Variants in MAF observed in about 807,000 individuals in gnomAD.
MAF encodes the protein transcription factor Maf.
MAF carries 10 observed loss-of-function variants against 22.0 expected under a neutral mutation model. The observed-to-expected ratio is 0.45, with a 90% confidence interval of 0.28 to 0.77. The LOEUF is 0.77. Ranked by LOEUF, MAF falls within the 30% of genes least tolerant of loss-of-function variation. The pLI, the probability that MAF is intolerant of heterozygous loss-of-function variation, is 0.12. For synonymous variants in MAF, 337 were observed against 255.8 expected (o/e 1.32, Z -3.03); for missense variants, 544 against 548.4 (o/e 0.99, Z 0.08).
At chr16:79,297,627 A>G in the MAF span, among the ~76,000 whole-genome samples, 1 of 152,226 alleles carries the variant, frequency 6.6e-6, no homozygotes, top group African/African-American at 2.4e-5. Context: ...GATGATACAG[A>G]AAAGTACTTA....
chr16:79,421,635 G>A, the MAF span, among the ~76,000 whole-genome samples: 1 of 114,956 alleles, frequency 8.7e-6, no homozygotes, highest in Non-Finnish European at 1.7e-5. Context: ...ATGAAGAAAA[G>A]TGATTTTTTT....
intron 1 of MAF, among the ~76,000 whole-genome samples, chr16:79,588,016 T>C (rs1282910570): frequency 1.3e-5 from 2 of 152,164 alleles, no homozygotes. Flanking sequence ...AAGAGAGATT[T>C]TCGAGCTGGG....
chr16:79,358,437 C>T, the MAF span, among the ~76,000 whole-genome samples: 694 of 152,190 alleles, frequency 4.6e-3, 7 homozygotes, highest in African/African-American at 0.016. Flanking sequence ...ATTTTGATGA[C>T]GTTCATTTGG....
At chr16:79,547,947 G>A in the MAF span, among the ~76,000 whole-genome samples, 10 of 51,546 alleles carry the variant, frequency 1.9e-4, no homozygotes, top group African/African-American at 3.8e-4. Context: ...AGAGAGAATA[G>A]CATCGATGGT....
intron 1 of MAF, chr16:79,596,006 GGTGT>G: frequency 1.9e-6 from 2 of 1,060,166 alleles, no homozygotes. Context: ...AGAAAATCTC[GGTGT>G]GTAAGAGAAG....
the MAF span, among the ~76,000 whole-genome samples, chr16:79,392,386 G>A: frequency 6.7e-6 from 1 of 150,116 alleles, no homozygotes; most frequent in Non-Finnish European, 1.5e-5. Flanking sequence ...GGAAAGGAAA[G>A]GGAAGGAGGA....
the MAF span, among the ~76,000 whole-genome samples, chr16:79,505,984 G>C: frequency 1.7e-4 from 26 of 152,120 alleles, no homozygotes; most frequent in South Asian, 8.3e-4. Context: ...AGGAGCAAAA[G>C]AAGGGAAGGG....
At chr16:79,233,286 G>C in the MAF span, among the ~76,000 whole-genome samples, 1 of 152,018 alleles carries the variant, frequency 6.6e-6, no homozygotes, top group Non-Finnish European at 1.5e-5. Flanking sequence ...TACAGGTTGT[G>C]TTCAACAACT....
the MAF span, among the ~76,000 whole-genome samples, chr16:79,464,979 GC>G: frequency 6.6e-6 from 1 of 152,192 alleles, no homozygotes; most frequent in Admixed American, 6.5e-5. Context: ...GAGAAATGTG[GC>G]TGAGTATATA....
chr16:79,262,637 C>A, the MAF span, among the ~76,000 whole-genome samples: 1 of 152,084 alleles, frequency 6.6e-6, no homozygotes, highest in Admixed American at 6.6e-5. Flanking sequence ...CCCAGAGGGA[C>A]GAGCTGGGCT....
chr16:79,268,287 C>T, the MAF span, among the ~76,000 whole-genome samples: 1 of 152,024 alleles, frequency 6.6e-6, no homozygotes, highest in South Asian at 2.1e-4. Flanking sequence ...GTCGTCTCAG[C>T]CTGAGGGTTA....
the MAF span, among the ~76,000 whole-genome samples, chr16:79,550,709 T>G: frequency 1.3e-5 from 2 of 152,178 alleles, no homozygotes; most frequent in African/African-American, 4.8e-5. Flanking sequence ...AGAATTTGCC[T>G]AGTTTGGGTA....
chr16:79,286,561 C>T, the MAF span, among the ~76,000 whole-genome samples: 1 of 152,174 alleles, frequency 6.6e-6, no homozygotes, highest in African/African-American at 2.4e-5. Flanking sequence ...TATGTGCATG[C>T]ACACTTGAAC....
the MAF span, among the ~76,000 whole-genome samples, chr16:79,469,394 C>T: frequency 6.6e-6 from 1 of 152,134 alleles, no homozygotes; most frequent in African/African-American, 2.4e-5. Flanking sequence ...TGTTTGATGA[C>T]CAACTCTCCC....
chr16:79,586,566 T>A (rs755421454), intron 1 of MAF, among the ~76,000 whole-genome samples: 4 of 152,250 alleles, frequency 2.6e-5, no homozygotes, highest in Non-Finnish European at 5.9e-5. Flanking sequence ...AACGGTGATA[T>A]GAAAATGAGG....
chr16:79,229,547 G>A, the MAF span: 1 of 152,080 alleles, frequency 6.6e-6, no homozygotes, highest in African/African-American at 2.4e-5. Flanking sequence ...CCCGAAGATG[G>A]GCTGTGAGCG....
the MAF span, among the ~76,000 whole-genome samples, chr16:79,472,369 C>A: frequency 2.0e-4 from 30 of 152,184 alleles, no homozygotes; most frequent in African/African-American, 5.8e-4. Flanking sequence ...AGAAATATCC[C>A]GAATGTCCAT....
the MAF span, among the ~76,000 whole-genome samples, chr16:79,352,156 G>A: frequency 3.3e-5 from 5 of 152,248 alleles, no homozygotes; most frequent in East Asian, 1.9e-4. Context: ...CTGCCAAGAA[G>A]CGGAGGAAGC....
chr16:79,339,889 C>G, the MAF span, among the ~76,000 whole-genome samples: 1 of 152,182 alleles, frequency 6.6e-6, no homozygotes, highest in Non-Finnish European at 1.5e-5. Context: ...TCCCCTTCTC[C>G]GCTAAAAGCA....
Sources: allele counts gnomAD v4.1 joint callset (sites outside exome capture counted in the v4.1 genomes callset), GRCh38; gene constraint gnomAD v4.1.1; transcripts MANE v1.5; gene names NCBI Gene and HGNC (gene_info 2026-07-23, HGNC 2026-07-21).